Variants in TENM2 observed in about 807,000 individuals in gnomAD.
The protein encoded by TENM2 is teneurin transmembrane protein 2, also known as teneurin-2.
TENM2 carries 52 observed loss-of-function variants against 245.2 expected under a neutral mutation model. That is an observed-to-expected ratio of 0.21 (90% confidence interval 0.17 to 0.27). The LOEUF is 0.27. Among genes scored for constraint, TENM2 ranks in the 10% least tolerant of loss-of-function variants. TENM2 has a pLI of 1.00. For synonymous variants in TENM2, 1,363 were observed against 1,438.9 expected, an observed-to-expected ratio of 0.95 and a Z score of 1.19; for missense variants, 3,046 against 3,666.8, an observed-to-expected ratio of 0.83 and a Z score of 4.37.
At position 168,030,168 on chromosome 5, in the gene TENM2, T is replaced by TTTTTTTTTTTTTTTTTTTC. The variant is rs1786999800; in HGVS notation, c.1187-17241_1187-17240insCTTTTTTTTTTTTTTTTTT. ...AGTCTGGTTCTGGCTCTTTTTTTTT[T>TTTTTTTTTTTTTTTTTTTC]TTTTTTTTTTTTTTTTTTTCATCTT... On this transcript the variant is annotated intron_variant, in intron 5 of 28. Coordinates refer to ENST00000518659, the Ensembl canonical transcript of TENM2. Among the ~76,000 whole-genome samples the TTTTTTTTTTTTTTTTTTTC allele has an allele frequency of 1.1e-4, 9 of 84,626 alleles. 2 individuals are homozygous for TTTTTTTTTTTTTTTTTTTC. The highest frequency in any genetic ancestry group is 9.6e-4 in the South Asian group (2 of 2,076). The allele number at this position is 84,626 out of a possible 152,430, so 55.5% of individuals were successfully genotyped here.
chr5:167,823,036 A>C (rs573653543), intron 2 of TENM2, among the ~76,000 whole-genome samples: 1 of 152,320 alleles, frequency 6.6e-6, no homozygotes, highest in South Asian at 2.1e-4. Flanking sequence ...CGTTTGATAA[A>C]GGTTGTTACC....
At chr5:167,350,243 A>T (rs975322611) in intron 1 of TENM2, among the ~76,000 whole-genome samples, 60 of 152,094 alleles carry the variant, frequency 3.9e-4, no homozygotes, top group African/African-American at 1.4e-3. Context: ...GTCTGACTAA[A>T]TGGCAGTTAT....
At chr5:168,004,503 GCA>G (rs1562040402) in intron 5 of TENM2, among the ~76,000 whole-genome samples, 8 of 92,464 alleles carry the variant, frequency 8.7e-5, no homozygotes, top group Admixed American at 1.1e-4. Flanking sequence ...TGGGATGCAC[GCA>G]TGCGCGCGCG....
At chr5:167,415,065 G>T (rs755770427) in intron 2 of TENM2, among the ~76,000 whole-genome samples, 33 of 152,052 alleles carry the variant, frequency 2.2e-4, no homozygotes, top group Non-Finnish European at 4.4e-4. Flanking sequence ...GTATCCACAG[G>T]TAAAGAATTT....
At chr5:167,890,071 A>T (rs1213067991) in intron 3 of TENM2, among the ~76,000 whole-genome samples, 1 of 152,160 alleles carries the variant, frequency 6.6e-6, no homozygotes, top group Non-Finnish European at 1.5e-5. Context: ...CTGAGTCCTA[A>T]TTCTACCCAA....
chr5:167,774,929 C>G (rs1763660911), intron 2 of TENM2, among the ~76,000 whole-genome samples: 1 of 152,100 alleles, frequency 6.6e-6, no homozygotes. Context: ...GCAAGTTGTC[C>G]AAGGTATGCA....
chr5:167,135,635 G>C, the TENM2 span, among the ~76,000 whole-genome samples: 3 of 152,100 alleles, frequency 2.0e-5, no homozygotes, highest in African/African-American at 7.2e-5. Flanking sequence ...AATTAGCCAG[G>C]TATGGGTGGC....
chr5:166,992,603 A>G, the TENM2 span, among the ~76,000 whole-genome samples: 1 of 152,186 alleles, frequency 6.6e-6, no homozygotes, highest in Non-Finnish European at 1.5e-5. Flanking sequence ...TATTTCAGGC[A>G]ACATAAAGGT....
intron 23 of TENM2, among the ~76,000 whole-genome samples, chr5:168,220,506 T>G (rs1463879011): frequency 2.0e-5 from 3 of 152,234 alleles, no homozygotes; most frequent in Non-Finnish European, 4.4e-5. Flanking sequence ...AAACTGAATT[T>G]TTTTATCTTA....
chr5:167,250,242 G>A, the TENM2 span, among the ~76,000 whole-genome samples: 1 of 152,014 alleles, frequency 6.6e-6, no homozygotes, highest in African/African-American at 2.4e-5. Context: ...GATCACTTGA[G>A]CCCCAGAGAT....
At chr5:168,060,362 T>G (rs1048410353) in intron 6 of TENM2, among the ~76,000 whole-genome samples, 3 of 152,144 alleles carry the variant, frequency 2.0e-5, no homozygotes, top group Non-Finnish European at 4.4e-5. Flanking sequence ...TGCAGTGAGC[T>G]GAGATCGTGC....
At chr5:167,833,879 A>T (rs1768735289) in intron 2 of TENM2, among the ~76,000 whole-genome samples, 3 of 152,220 alleles carry the variant, frequency 2.0e-5, no homozygotes, top group Middle Eastern at 6.8e-3. Context: ...CATTGCTCTC[A>T]TTTCCTACAG....
At chr5:167,305,810 C>T (rs1755642978) in intron 1 of TENM2, among the ~76,000 whole-genome samples, 3 of 152,160 alleles carry the variant, frequency 2.0e-5, no homozygotes. Flanking sequence ...TTGAGTACGT[C>T]ATTGGGTGCC....
chr5:168,236,997 TATA>T (rs1562319063), intron 25 of TENM2, among the ~76,000 whole-genome samples: 4 of 5,050 alleles, frequency 7.9e-4, no homozygotes, highest in Non-Finnish European at 1.0e-3. Context: ...TATATATATA[TATA>T]TTTTTTTTTT....
chr5:167,588,112 T>C (rs1475444643), intron 2 of TENM2, among the ~76,000 whole-genome samples: 1 of 152,232 alleles, frequency 6.6e-6, no homozygotes, highest in Non-Finnish European at 1.5e-5. Context: ...GTTCACCTTC[T>C]CAGAGAATTA....
intron 2 of TENM2, among the ~76,000 whole-genome samples, chr5:167,637,472 A>G (rs1411707626): frequency 6.6e-6 from 1 of 152,238 alleles, no homozygotes; most frequent in Non-Finnish European, 1.5e-5. Context: ...CATTATTGGT[A>G]TATACCCAAA....
intron 5 of TENM2, among the ~76,000 whole-genome samples, chr5:168,032,040 G>A (rs972855809): frequency 2.6e-5 from 4 of 152,156 alleles, no homozygotes; most frequent in African/African-American, 7.2e-5. Context: ...GCCACTTTCA[G>A]TATAAGAGAC....
chr5:167,860,105 T>C (rs1337478842), intron 2 of TENM2, among the ~76,000 whole-genome samples: 732 of 39,610 alleles, frequency 0.018, 18 homozygotes, highest in African/African-American at 0.064. Flanking sequence ...GTCCGGGAGG[T>C]GAGGGGCGCC....
chr5:167,965,913 G>A (rs772778260), intron 4 of TENM2, among the ~76,000 whole-genome samples: 19 of 152,130 alleles, frequency 1.2e-4, no homozygotes, highest in Admixed American at 2.0e-4. Flanking sequence ...TAGGAAGGGC[G>A]GGGGCTGGAA....
Sources: gnomAD v4.1 joint callset for allele counts (sites outside exome capture counted in the v4.1 genomes callset) on GRCh38, gnomAD v4.1.1 for gene constraint, MANE v1.5 for transcripts, NCBI Gene and HGNC (gene_info 2026-07-23, HGNC 2026-07-21) for gene names.